ARHGEF10: variants seen among roughly 807,000 people sequenced by gnomAD.
ARHGEF10 encodes Rho guanine nucleotide exchange factor (GEF) 10.
ARHGEF10 carries 140 observed loss-of-function variants against 147.4 expected under a neutral mutation model. The ratio of observed to expected loss-of-function variants is 0.95; its 90% CI spans 0.83 to 1.09. ARHGEF10 has a LOEUF of 1.09. ARHGEF10 is among the 50% of genes least tolerant of loss of function. The pLI is 0.00. For synonymous variants in ARHGEF10, 902 were observed against 695.8 expected (o/e 1.30, Z -4.67); for missense variants, 2,222 against 1,752.7 (o/e 1.27, Z -4.78).
intron 15 of ARHGEF10, among the ~76,000 whole-genome samples, chr8:1,902,856 T>C (rs1293092468): frequency 6.6e-6 from 1 of 152,210 alleles, no homozygotes; most frequent in East Asian, 1.9e-4. Context: ...ATGGGTGCAG[T>C]ATTCGGCACC....
chr8:1,832,930 G>GA (rs1803287888), intron 1 of ARHGEF10, among the ~76,000 whole-genome samples: 4 of 85,258 alleles, frequency 4.7e-5, no homozygotes, highest in African/African-American at 9.9e-5. Context: ...AGAGACAGAG[G>GA]CAGAGACAGA....
chr8:1,891,622 T>C (rs1417801291), intron 11 of ARHGEF10, among the ~76,000 whole-genome samples: 1 of 152,130 alleles, frequency 6.6e-6, no homozygotes, highest in East Asian at 1.9e-4. Context: ...CCTGGCTTTG[T>C]CCAGTTGCCC....
chr8:1,863,659 G>A (rs767395808), intron 4 of ARHGEF10, among the ~76,000 whole-genome samples: 11 of 152,092 alleles, frequency 7.2e-5, no homozygotes, highest in East Asian at 1.9e-4. Flanking sequence ...GGAGCCCTCC[G>A]AGGTGGGAGG....
intron 8 of ARHGEF10, among the ~76,000 whole-genome samples, chr8:1,878,211 A>T (rs1269719436): frequency 1.3e-5 from 2 of 151,954 alleles, no homozygotes; most frequent in Non-Finnish European, 2.9e-5. Flanking sequence ...TTTTCTTTGA[A>T]ATGGAGTCTT....
At chr8:1,935,471 C>G (rs144498711) in intron 26 of ARHGEF10, among the ~76,000 whole-genome samples, 1 of 151,170 alleles carries the variant, frequency 6.6e-6, no homozygotes, top group Non-Finnish European at 1.5e-5. Context: ...CCCCCAGTCT[C>G]GGCAACCACT....
At chr8:1,873,496 C>T (rs56137975) in intron 7 of ARHGEF10, among the ~76,000 whole-genome samples, 22 of 103,764 alleles carry the variant, frequency 2.1e-4, no homozygotes, top group African/African-American at 7.8e-4. Context: ...GGGTAGTGCA[C>T]CCGCATTTCC....
intron 10 of ARHGEF10, 90 bp downstream of exon 10, chr8:1,882,839 C>T (rs1307335461): frequency 2.8e-5 from 27 of 963,078 alleles, no homozygotes; most frequent in Admixed American, 1.2e-4. Flanking sequence ...GGGGGGCGGC[C>T]GCGCAGGCTC....
chr8:1,910,237 T>C (rs1339713112), intron 18 of ARHGEF10, among the ~76,000 whole-genome samples: 4 of 152,214 alleles, frequency 2.6e-5, no homozygotes. Flanking sequence ...ATTTTTCAGA[T>C]TATTTTGTTT....
intron 4 of ARHGEF10, 101 bp from the exon 5 acceptor site, chr8:1,864,272 T>C (rs930576761): frequency 7.6e-6 from 9 of 1,186,710 alleles, no homozygotes; most frequent in East Asian, 4.7e-5. Context: ...AAGCCTCTGA[T>C]TGATAGGAAA....
intron 25 of ARHGEF10, among the ~76,000 whole-genome samples, chr8:1,930,387 G>A (rs964206783): frequency 2.0e-5 from 3 of 151,916 alleles, no homozygotes; most frequent in African/African-American, 4.8e-5. Context: ...CCCAGCTCCC[G>A]CCTGGATGGC....
At chr8:1,868,392 C>A (rs952014814) in intron 6 of ARHGEF10, among the ~76,000 whole-genome samples, 2 of 152,136 alleles carry the variant, frequency 1.3e-5, no homozygotes, top group African/African-American at 4.8e-5. Flanking sequence ...AGGGAGGGCA[C>A]CGCTAGTCAA....
At chr8:1,844,940 A>T (rs1010787449) in intron 2 of ARHGEF10, among the ~76,000 whole-genome samples, 5 of 152,144 alleles carry the variant, frequency 3.3e-5, no homozygotes, top group Non-Finnish European at 5.9e-5. Flanking sequence ...TAGTTGTAAT[A>T]GTTGTAATAA....
chr8:1,933,375 G>A lies in ARHGEF10; in HGVS notation c.3080-425G>A, dbSNP rs568282527. ...TGCTATTATTGTAAATGGTCGTATT[G>A]ACTGAATACCTGTGTGCTGGGTACT... On this transcript the variant is annotated intron_variant, in intron 25 of 28. Coordinates refer to ENST00000349830, the MANE Select transcript of ARHGEF10 (RefSeq NM_014629.4). Among the ~76,000 whole-genome samples, 6 of 152,246 alleles carry A rather than the reference G, an allele frequency of 3.9e-5. No homozygotes were observed. The East Asian group carries it at 9.7e-4, about 24-fold the overall frequency.
At chr8:1,890,421 C>G (rs1809409830) in intron 11 of ARHGEF10, among the ~76,000 whole-genome samples, 1 of 143,568 alleles carries the variant, frequency 7.0e-6, no homozygotes, top group Non-Finnish European at 1.5e-5. Context: ...TGAGAAGACA[C>G]TGAATGGGTT....
intron 2 of ARHGEF10, among the ~76,000 whole-genome samples, chr8:1,850,695 G>A (rs1041714851): frequency 6.6e-6 from 1 of 152,182 alleles, no homozygotes; most frequent in African/African-American, 2.4e-5. Context: ...ATGCCCCGGC[G>A]TATTTATTTA....
intron 2 of ARHGEF10, among the ~76,000 whole-genome samples, 174 bp downstream of exon 2, chr8:1,843,610 T>TGCCAC (rs1375477508): frequency 6.6e-6 from 1 of 152,206 alleles, no homozygotes; most frequent in Non-Finnish European, 1.5e-5. Context: ...ATCCTTGCCT[T>TGCCAC]GCCACGGGGG....
chr8:1,916,642 A>G (rs1464612070), intron 18 of ARHGEF10, among the ~76,000 whole-genome samples: 1 of 152,198 alleles, frequency 6.6e-6, no homozygotes, highest in Non-Finnish European at 1.5e-5. Context: ...AGCTGGGATC[A>G]CTACTGGTTC....
chr8:1,949,008 A>C (rs17064407), intron 27 of ARHGEF10, among the ~76,000 whole-genome samples: 2 of 143,846 alleles, frequency 1.4e-5, no homozygotes, highest in African/African-American at 5.1e-5. Context: ...CGATGCTCAA[A>C]TGGGTTTTCA....
At chr8:1,906,918 T>C (rs529971574) in intron 17 of ARHGEF10, among the ~76,000 whole-genome samples, 4 of 152,344 alleles carry the variant, frequency 2.6e-5, no homozygotes, top group Admixed American at 2.6e-4. Context: ...ATGTGAGTCT[T>C]TAATGACACT....
Sources: gnomAD v4.1 joint callset for allele counts (sites outside exome capture counted in the v4.1 genomes callset) on GRCh38, gnomAD v4.1.1 for gene constraint, MANE v1.5 for transcripts, NCBI Gene and HGNC (gene_info 2026-07-23, HGNC 2026-07-21) for gene names.